NRXN3: variants seen among roughly 807,000 people sequenced by gnomAD.
NRXN3 encodes the protein neurexin III.
Under a neutral mutation model 137.6 loss-of-function variants are expected in NRXN3, and 32 were observed. That is an observed-to-expected ratio of 0.23 (90% CI 0.18 to 0.31). The LOEUF is 0.31. NRXN3 is among the 10% of genes least tolerant of loss of function. The probability of loss-of-function intolerance (pLI) is 1.00; values close to 1 mark genes in which losing one functional copy is unlikely to be tolerated. For missense variants in NRXN3, 1,574 were observed against 2,062.5 expected (o/e 0.76, Z 4.59); for synonymous variants, 798 against 784.5 (o/e 1.02, Z -0.29).
intron 14 of NRXN3, among the ~76,000 whole-genome samples, chr14:78,987,276 A>G (rs2099508920): frequency 6.6e-6 from 1 of 152,156 alleles, no homozygotes; most frequent in Admixed American, 6.6e-5. Flanking sequence ...AGTCCACAGC[A>G]TGCGTTTTAG....
At chr14:78,262,958 G>A (rs755844355) in intron 2 of NRXN3, among the ~76,000 whole-genome samples, 10 of 152,074 alleles carry the variant, frequency 6.6e-5, no homozygotes, top group Non-Finnish European at 1.5e-4. Context: ...CCACCCAGTA[G>A]TACAAAGATA....
At chr14:78,261,316 C>G (rs919640411) in intron 2 of NRXN3, among the ~76,000 whole-genome samples, 2 of 152,176 alleles carry the variant, frequency 1.3e-5, no homozygotes, top group African/African-American at 4.8e-5. Flanking sequence ...TTGCTCTGCT[C>G]TGATCCTGAT....
intron 4 of NRXN3, among the ~76,000 whole-genome samples, chr14:78,487,646 G>A (rs777653174): frequency 6.6e-6 from 1 of 151,888 alleles, no homozygotes; most frequent in Non-Finnish European, 1.5e-5. Flanking sequence ...GGAGGCTAAG[G>A]CATAAGAATC....
At chr14:78,240,048 T>C (rs1248302043) in intron 1 of NRXN3, among the ~76,000 whole-genome samples, 2 of 152,142 alleles carry the variant, frequency 1.3e-5, no homozygotes, top group African/African-American at 2.4e-5. Context: ...CTCTTTGTGG[T>C]GTTTGCCTTT....
chr14:79,361,678 C>T (rs1279689938), intron 15 of NRXN3, among the ~76,000 whole-genome samples: 1 of 152,082 alleles, frequency 6.6e-6, no homozygotes, highest in African/African-American at 2.4e-5. Flanking sequence ...AATCACGCCA[C>T]GGCACTCCAG....
chr14:78,603,143 C>T (rs531963110), intron 4 of NRXN3, among the ~76,000 whole-genome samples: 397 of 152,246 alleles, frequency 2.6e-3, no homozygotes, highest in Non-Finnish European at 4.2e-3. Context: ...CCTGCCCAGG[C>T]CTGAAATCTC....
intron 16 of NRXN3, among the ~76,000 whole-genome samples, chr14:79,488,794 A>C (rs1223796744): frequency 6.6e-6 from 1 of 152,194 alleles, no homozygotes; most frequent in Non-Finnish European, 1.5e-5. Flanking sequence ...GCAGGGGTAG[A>C]TTTAGGGACT....
intron 4 of NRXN3, among the ~76,000 whole-genome samples, chr14:78,637,694 C>G (rs943425847): frequency 2.0e-5 from 3 of 152,250 alleles, no homozygotes; most frequent in Non-Finnish European, 2.9e-5. Flanking sequence ...CTTTTCTCAT[C>G]ACAGTTCATA....
intron 15 of NRXN3, among the ~76,000 whole-genome samples, chr14:79,188,633 C>G (rs2063830204): frequency 1.3e-5 from 2 of 152,180 alleles, no homozygotes; most frequent in Non-Finnish European, 2.9e-5. Context: ...TTTTGAATAG[C>G]TATCATTGGT....
intron 6 of NRXN3, among the ~76,000 whole-genome samples, chr14:78,653,624 T>A (rs928412317): frequency 2.0e-5 from 3 of 152,018 alleles, no homozygotes; most frequent in Non-Finnish European, 4.4e-5. Flanking sequence ...TCAGGAAGGA[T>A]GCCCTGAAAA....
intron 4 of NRXN3, among the ~76,000 whole-genome samples, chr14:78,541,548 A>T (rs2096589527): frequency 6.6e-6 from 1 of 152,108 alleles, no homozygotes; most frequent in African/African-American, 2.4e-5. Flanking sequence ...CTTCCTTGCG[A>T]TGGGTTCTAA....
intron 15 of NRXN3, among the ~76,000 whole-genome samples, chr14:79,186,163 G>A (rs1295458494): frequency 6.6e-6 from 1 of 151,912 alleles, no homozygotes; most frequent in African/African-American, 2.4e-5. Context: ...GTAAATTATA[G>A]CCATTCTATT....
At chr14:78,219,860 A>G (rs1312674969) in intron 1 of NRXN3, among the ~76,000 whole-genome samples, 3 of 152,186 alleles carry the variant, frequency 2.0e-5, no homozygotes, top group Admixed American at 6.5e-5. Flanking sequence ...AAGATCAGCT[A>G]TTAGGCTTTT....
At chr14:78,645,982 T>C (rs991232913) in intron 5 of NRXN3, among the ~76,000 whole-genome samples, 3 of 152,166 alleles carry the variant, frequency 2.0e-5, no homozygotes, top group Non-Finnish European at 4.4e-5. Flanking sequence ...GCCGGGATCT[T>C]TCTGAATTCC....
intron 10 of NRXN3, among the ~76,000 whole-genome samples, chr14:78,870,809 A>G (rs984412645): frequency 1.1e-4 from 17 of 151,876 alleles, no homozygotes; most frequent in African/African-American, 4.1e-4. Context: ...TGCCTGGCTT[A>G]CTTCTTAACA....
chr14:78,455,174 C>T (rs1184934377), intron 4 of NRXN3, among the ~76,000 whole-genome samples: 1 of 152,210 alleles, frequency 6.6e-6, no homozygotes, highest in Non-Finnish European at 1.5e-5. Context: ...CACTGCACCC[C>T]CTACATGGGA....
chr14:79,859,543 G>A (rs2099409976), intron 20 of NRXN3, among the ~76,000 whole-genome samples: 1 of 152,138 alleles, frequency 6.6e-6, no homozygotes, highest in Admixed American at 6.5e-5. Flanking sequence ...GAAAAACCCT[G>A]GAAGACTGTG....
chr14:79,504,496 C>T (rs1396789852), intron 16 of NRXN3, among the ~76,000 whole-genome samples: 2 of 151,366 alleles, frequency 1.3e-5, no homozygotes, highest in African/African-American at 4.9e-5. Flanking sequence ...ATTAAACCAA[C>T]CACTGAATCA....
At chr14:78,594,128 T>C (rs1418182021) in intron 4 of NRXN3, among the ~76,000 whole-genome samples, 2 of 151,920 alleles carry the variant, frequency 1.3e-5, no homozygotes, top group African/African-American at 4.8e-5. Flanking sequence ...AAGCGAAAAA[T>C]GTGTGCTGAG....
Sources: gnomAD v4.1 joint callset for allele counts (sites outside exome capture counted in the v4.1 genomes callset) on GRCh38, gnomAD v4.1.1 for gene constraint, MANE v1.5 for transcripts, NCBI Gene and HGNC (gene_info 2026-07-23, HGNC 2026-07-21) for gene names.